The following ANO6 variants were observed in gnomAD, a reference collection of about 807,000 sequenced individuals.
ANO6 encodes anoctamin 6.
A neutral mutation model predicts 117.5 loss-of-function variants in ANO6; 106 were observed. That is an observed-to-expected ratio of 0.90 (90% CI 0.77 to 1.06). ANO6 has a LOEUF of 1.06. ANO6 is among the 50% of genes least tolerant of loss of function. The probability of loss-of-function intolerance (pLI) is 0.00; values close to 1 mark genes in which losing one functional copy is unlikely to be tolerated. For missense variants in ANO6, 955 were observed against 1,121.1 expected (o/e 0.85, Z 2.12); for synonymous variants, 367 against 385.1 (o/e 0.95, Z 0.55).
rs552110045 is a variant in ANO6 at position 45,403,362 on chromosome 12, G to A, written c.1783-77G>A. ...ATTTTTTAGCCTAAACAGAACAAAT[G>A]TCAGAAAAATAGAATGCCTATATTT... is the stretch of plus-strand genomic sequence containing the variant. On this transcript the variant is annotated intron_variant, in intron 14 of 19. Transcript: ENST00000320560. The A allele has an allele frequency of 4.9e-5, 75 of 1,530,794 alleles. No individual in the cohort carries two copies. In the African/African-American group the frequency reaches 8.1e-4, roughly 16 times the overall value. The allele number at this position is 1,530,794 out of a possible 1,614,324, so 94.8% of individuals were successfully genotyped here. A position where few individuals can be genotyped will look rare whatever the true frequency, so the allele number is the denominator to read the frequency against.
intron 18 of ANO6, among the ~76,000 whole-genome samples, chr12:45,422,033 T>C (rs1592049266): frequency 6.6e-6 from 1 of 152,166 alleles, no homozygotes; most frequent in East Asian, 1.9e-4. Flanking sequence ...AAGCCCAAAA[T>C]AAATGTTTGT....
At chr12:45,359,257 G>T (rs967486575) in intron 8 of ANO6, among the ~76,000 whole-genome samples, 2 of 151,984 alleles carry the variant, frequency 1.3e-5, no homozygotes, top group African/African-American at 4.8e-5. Context: ...TTTCATAAAA[G>T]TATTTAAATA....
intron 1 of ANO6, among the ~76,000 whole-genome samples, chr12:45,286,782 A>G (rs1401947082): frequency 6.6e-6 from 1 of 152,244 alleles, no homozygotes; most frequent in African/African-American, 2.4e-5. Context: ...AACACTTCAC[A>G]TGCCACAACT....
chr12:45,388,913 A>G (rs1330037632), intron 11 of ANO6, among the ~76,000 whole-genome samples: 1 of 152,200 alleles, frequency 6.6e-6, no homozygotes, highest in Non-Finnish European at 1.5e-5. Context: ...CACTACTCCA[A>G]AGATAAAAAA....
downstream of ANO6, among the ~76,000 whole-genome samples, chr12:45,433,998 T>C (rs982908572): frequency 6.6e-6 from 1 of 152,212 alleles, no homozygotes; most frequent in Non-Finnish European, 1.5e-5. Flanking sequence ...CCTTGCCTCA[T>C]TCCCGAAAAC....
intron 1 of ANO6, among the ~76,000 whole-genome samples, chr12:45,257,894 C>T (rs1937892661): frequency 6.6e-6 from 1 of 152,148 alleles, no homozygotes; most frequent in Non-Finnish European, 1.5e-5. Flanking sequence ...TTTATGTGCT[C>T]TCTATATGGG....
intron 1 of ANO6, among the ~76,000 whole-genome samples, chr12:45,244,311 C>T (rs1460358624): frequency 6.7e-6 from 1 of 149,654 alleles, no homozygotes; most frequent in Non-Finnish European, 1.5e-5. Context: ...AGTGGATAAC[C>T]TTTTTGAGAA....
At chr12:45,319,692 G>C (rs1940186691) in intron 2 of ANO6, among the ~76,000 whole-genome samples, 5 of 152,176 alleles carry the variant, frequency 3.3e-5, no homozygotes, top group Admixed American at 3.3e-4. Flanking sequence ...AGAAGGAATG[G>C]TACCAGTTCC....
chr12:45,281,860 T>G (rs1938747792), intron 1 of ANO6, among the ~76,000 whole-genome samples: 2 of 152,208 alleles, frequency 1.3e-5, no homozygotes, highest in Non-Finnish European at 1.5e-5. Flanking sequence ...TTTCAAAGAT[T>G]GCTTTGGCTA....
chr12:45,241,532 C>G (rs1232980070), intron 1 of ANO6, among the ~76,000 whole-genome samples: 1 of 152,112 alleles, frequency 6.6e-6, no homozygotes, highest in African/African-American at 2.4e-5. Context: ...TTATTACCGA[C>G]ATTCTGAAGC....
intron 2 of ANO6, among the ~76,000 whole-genome samples, 198 bp from the exon 3 acceptor site, chr12:45,331,097 A>G (rs1306597910): frequency 6.6e-6 from 1 of 151,884 alleles, no homozygotes; most frequent in Non-Finnish European, 1.5e-5. Flanking sequence ...GTACTGTTCA[A>G]TTCAAATACT....
At chr12:45,389,469 A>G (rs758726277) in intron 11 of ANO6, among the ~76,000 whole-genome samples, 3 of 152,264 alleles carry the variant, frequency 2.0e-5, no homozygotes, top group Non-Finnish European at 4.4e-5. Context: ...AGAAAAGACA[A>G]TTTGGTCATT....
chr12:45,328,772 GTTC>G (rs925591717), intron 2 of ANO6, among the ~76,000 whole-genome samples: 4 of 151,748 alleles, frequency 2.6e-5, no homozygotes, highest in African/African-American at 4.8e-5. Flanking sequence ...TTCCCTTTGT[GTTC>G]TTCTTGGAAT....
At chr12:45,237,099 G>C (rs1947657694) in intron 1 of ANO6, among the ~76,000 whole-genome samples, 1 of 151,992 alleles carries the variant, frequency 6.6e-6, no homozygotes, top group Non-Finnish European at 1.5e-5. Flanking sequence ...TTGTAAATTT[G>C]AATTCTTTGT....
chr12:45,437,938 C>G (rs1176055295), intron 19 of ANO6, among the ~76,000 whole-genome samples: 1 of 152,168 alleles, frequency 6.6e-6, no homozygotes, highest in Non-Finnish European at 1.5e-5. Flanking sequence ...CAGAGCTAAT[C>G]ATAGCATTTA....
At chr12:45,313,515 A>C (rs574386181) in intron 2 of ANO6, 1 of 152,176 alleles carries the variant, frequency 6.6e-6, no homozygotes, top group South Asian at 2.1e-4. Context: ...TTACAGGGAA[A>C]GGGCTGCCTA....
chr12:45,281,348 T>C (rs1188263460), intron 1 of ANO6, among the ~76,000 whole-genome samples: 5 of 152,164 alleles, frequency 3.3e-5, no homozygotes, highest in Non-Finnish European at 7.4e-5. Context: ...TCCATTCTTG[T>C]GTTGCTGTAA....
intron 10 of ANO6, 41 bp downstream of exon 10, chr12:45,378,154 T>C: frequency 6.4e-7 from 1 of 1,562,838 alleles, no homozygotes; most frequent in Non-Finnish European, 8.8e-7. Flanking sequence ...AATTTGATAG[T>C]ATTACACAGT....
chr12:45,268,820 G>A (rs990690155), intron 1 of ANO6, among the ~76,000 whole-genome samples: 6 of 152,190 alleles, frequency 3.9e-5, no homozygotes, highest in African/African-American at 1.4e-4. Context: ...GGTCTGTCTG[G>A]ATCATTAACG....
Sources: allele counts gnomAD v4.1 joint callset (sites outside exome capture counted in the v4.1 genomes callset), GRCh38; gene constraint gnomAD v4.1.1; transcripts MANE v1.5; gene names NCBI Gene and HGNC (gene_info 2026-07-23, HGNC 2026-07-21).